Variants in GPC6 observed in about 807,000 individuals in gnomAD.
The protein encoded by GPC6 is glypican-6.
In GPC6, 14 loss-of-function variants were observed where a neutral mutation model predicts 55.2. The ratio of observed to expected loss-of-function variants is 0.25; its 90% CI spans 0.17 to 0.40. GPC6 has a LOEUF of 0.40. GPC6 is among the 10% of genes least tolerant of loss of function. GPC6 has a pLI of 1.00. For synonymous variants in GPC6, 278 were observed against 259.6 expected (o/e 1.07, Z -0.68); for missense variants, 641 against 708.5 (o/e 0.90, Z 1.08).
At chr13:93,968,431 T>C (rs1186939962) in intron 3 of GPC6, among the ~76,000 whole-genome samples, 1 of 152,198 alleles carries the variant, frequency 6.6e-6, no homozygotes, top group Non-Finnish European at 1.5e-5. Context: ...AAAACAGTTT[T>C]TAATATTCAC....
intron 1 of GPC6, among the ~76,000 whole-genome samples, chr13:93,372,031 A>G (rs539281560): frequency 6.6e-6 from 1 of 152,102 alleles, no homozygotes; most frequent in East Asian, 1.9e-4. Flanking sequence ...CGATTGGCCT[A>G]TTTCTGAAGT....
intron 1 of GPC6, among the ~76,000 whole-genome samples, chr13:93,371,235 A>T (rs1056583506): frequency 1.3e-5 from 2 of 152,046 alleles, no homozygotes; most frequent in Non-Finnish European, 2.9e-5. Flanking sequence ...GAAGCTTGGC[A>T]GGGGTTGGGG....
chr13:94,145,408 T>A (rs1593983698), intron 4 of GPC6, among the ~76,000 whole-genome samples: 1 of 152,304 alleles, frequency 6.6e-6, no homozygotes, highest in East Asian at 1.9e-4. Context: ...TCCAAATAAT[T>A]TTATTTTAGA....
intron 6 of GPC6, among the ~76,000 whole-genome samples, chr13:94,372,353 C>A (rs956336567): frequency 6.6e-6 from 1 of 152,094 alleles, no homozygotes; most frequent in Non-Finnish European, 1.5e-5. Flanking sequence ...TCAGTGGGTG[C>A]GCGCACCGTG....
At chr13:93,295,576 G>A (rs1438502824) in intron 1 of GPC6, among the ~76,000 whole-genome samples, 1 of 152,092 alleles carries the variant, frequency 6.6e-6, no homozygotes, top group Non-Finnish European at 1.5e-5. Flanking sequence ...CGCCTCCCAG[G>A]TTCACACCAT....
chr13:93,719,024 C>T (rs769102115), intron 2 of GPC6, among the ~76,000 whole-genome samples: 9 of 152,008 alleles, frequency 5.9e-5, no homozygotes, highest in Non-Finnish European at 1.3e-4. Flanking sequence ...CATGATGCCT[C>T]CAGCTCTGTT....
chr13:94,109,037 C>G (rs1886152176), intron 4 of GPC6, among the ~76,000 whole-genome samples: 1 of 151,898 alleles, frequency 6.6e-6, no homozygotes, highest in Non-Finnish European at 1.5e-5. Context: ...TATGTTTCCC[C>G]TTTCTTTAAA....
chr13:93,517,604 T>G (rs1334365028), intron 1 of GPC6, among the ~76,000 whole-genome samples: 1 of 152,064 alleles, frequency 6.6e-6, no homozygotes, highest in Non-Finnish European at 1.5e-5. Context: ...GGAGAGAAAT[T>G]AACTCCAACT....
chr13:93,763,253 G>T (rs141534772), intron 2 of GPC6, among the ~76,000 whole-genome samples: 21 of 152,334 alleles, frequency 1.4e-4, no homozygotes, highest in African/African-American at 4.1e-4. Flanking sequence ...TTCACTTGTG[G>T]TAAGCAGAGG....
chr13:94,201,846 G>A (rs956164109), intron 4 of GPC6, among the ~76,000 whole-genome samples: 3 of 152,122 alleles, frequency 2.0e-5, no homozygotes, highest in African/African-American at 4.8e-5. Context: ...CTACTCAGGA[G>A]GCTGAGGCAG....
chr13:93,781,266 C>G (rs987355644), intron 2 of GPC6, among the ~76,000 whole-genome samples: 2 of 138,898 alleles, frequency 1.4e-5, no homozygotes, highest in Non-Finnish European at 3.1e-5. Context: ...CAGAGTGAGA[C>G]TCCATCTCCG....
rs9524470 is a variant in GPC6, at chr13:94,382,286, T to C, written c.1153-128T>C. ...ACCCTGCAGTGCAGTGTCTCTCTCT[T>C]AAAACTGTTAAAGAGTTCCTGCTGG... is the stretch of plus-strand genomic sequence containing the variant. On this transcript the variant is annotated intron_variant, in intron 6 of 8. Transcript: ENST00000377047. 71,150 of 979,602 alleles carry C rather than the reference T, an allele frequency of 0.073. 3,054 individuals carry two copies. Among genetic ancestry groups the C allele is most frequent in the Non-Finnish European group, 0.094 (59,065 of 626,094 alleles). The allele number at this position is 979,602 out of a possible 1,614,324, so 60.7% of individuals were successfully genotyped here. A position where few individuals can be genotyped will look rare whatever the true frequency, so the allele number is the denominator to read the frequency against.
intron 6 of GPC6, among the ~76,000 whole-genome samples, chr13:94,314,078 T>C (rs909016665): frequency 3.9e-5 from 6 of 152,352 alleles, no homozygotes; most frequent in Admixed American, 2.0e-4. Context: ...TATAGCATGT[T>C]GTTAGTGCTG....
chr13:93,772,560 A>G (rs189550422), intron 2 of GPC6, among the ~76,000 whole-genome samples: 1 of 152,258 alleles, frequency 6.6e-6, no homozygotes, highest in East Asian at 1.9e-4. Flanking sequence ...CTTCAGAAAT[A>G]TTAAAAGGCG....
intron 3 of GPC6, among the ~76,000 whole-genome samples, chr13:93,959,279 C>T (rs1950802028): frequency 6.6e-6 from 1 of 151,958 alleles, no homozygotes; most frequent in Non-Finnish European, 1.5e-5. Context: ...TCTCCTGCCT[C>T]AGCCTCCCAA....
intron 4 of GPC6, among the ~76,000 whole-genome samples, chr13:94,118,264 CT>C (rs1481734643): frequency 6.6e-6 from 1 of 152,042 alleles, no homozygotes; most frequent in African/African-American, 2.4e-5. Context: ...CTCACAAGAT[CT>C]GATGATTTTA....
intron 2 of GPC6, among the ~76,000 whole-genome samples, chr13:93,737,990 A>T (rs1426959430): frequency 2.0e-5 from 3 of 152,170 alleles, no homozygotes; most frequent in Admixed American, 2.0e-4. Context: ...TTATATTTTC[A>T]GACTAAAGAT....
At chr13:94,256,419 A>T (rs570514385) in intron 4 of GPC6, among the ~76,000 whole-genome samples, 1 of 152,288 alleles carries the variant, frequency 6.6e-6, no homozygotes, top group African/African-American at 2.4e-5. Flanking sequence ...ATACAGTGAG[A>T]ACAATGATTT....
intron 3 of GPC6, among the ~76,000 whole-genome samples, chr13:93,899,785 A>C (rs1428053359): frequency 2.0e-5 from 3 of 152,162 alleles, no homozygotes. Flanking sequence ...GTGTCTGTCA[A>C]GGCCTTTGAG....
Sources: gnomAD v4.1 joint callset for allele counts (sites outside exome capture counted in the v4.1 genomes callset) on GRCh38, gnomAD v4.1.1 for gene constraint, MANE v1.5 for transcripts, NCBI Gene and HGNC (gene_info 2026-07-23, HGNC 2026-07-21) for gene names.